Variants in GABPB2 observed in about 807,000 individuals in gnomAD.
GABPB2 encodes GA-binding protein subunit beta-2.
In GABPB2, 23 loss-of-function variants were observed where a neutral mutation model predicts 39.1. The observed-to-expected ratio is 0.59, with a 90% CI of 0.42 to 0.83. The LOEUF (loss-of-function observed/expected upper bound fraction) is 0.83. GABPB2 is among the 40% of genes least tolerant of loss of function. The pLI is 0.00. For synonymous variants in GABPB2, 184 were observed against 199.3 expected, an observed-to-expected ratio of 0.92 and a Z score of 0.65; for missense variants, 467 against 541.1, an observed-to-expected ratio of 0.86 and a Z score of 1.36.
intron 7 of GABPB2, among the ~76,000 whole-genome samples, chr1:151,113,850 T>C (rs1281078104): frequency 6.6e-6 from 1 of 152,210 alleles, no homozygotes; most frequent in Non-Finnish European, 1.5e-5. Flanking sequence ...GTTATATAAG[T>C]GGAATCATAC....
Position 151,124,075 on chromosome 1 carries a change from G to T in GABPB2, c.*5819G>T, listed in dbSNP as rs1278131666. 7.8e-6 allele frequency: 1 copy of T among 127,674 alleles called. No individual in the cohort carries two copies. Among genetic ancestry groups the T allele is most frequent in the African/African-American group, 2.8e-5 (1 of 35,968 alleles). 7.9% of individuals were successfully genotyped at this position (127,674 alleles called of 1,614,324 possible). On this transcript the variant is annotated 3_prime_UTR_variant, in exon 9 of 9. Coordinates refer to ENST00000368918, the MANE Select transcript of GABPB2 (RefSeq NM_144618.3). ...GAAAAAAAAAAAAAAAAAAGAGGCC[G>T]GGCGCGGTGGCTCACAAAAAAAAAA... is the stretch of plus-strand genomic sequence containing the variant.
At position 151,121,796 on chromosome 1, in the gene GABPB2, T is replaced by C. The variant is rs1681192692; in HGVS notation, c.*3540T>C. 1 of 152,108 alleles carries C rather than the reference T, an allele frequency of 6.6e-6. No homozygotes were observed. The highest frequency in any genetic ancestry group is 2.4e-5 in the African/African-American group (1 of 41,400). The allele number at this position is 152,108 out of a possible 1,614,324, so 9.4% of individuals were successfully genotyped here. A position where few individuals can be genotyped will look rare whatever the true frequency, so the allele number is the denominator to read the frequency against. ...TGGAGTTTTTCCCAAAGAAAGGGAATATGGATGGAGAGAGAGAGGTTATGA... is the reference window on the plus strand; with the variant it reads ...TGGAGTTTTTCCCAAAGAAAGGGAACATGGATGGAGAGAGAGAGGTTATGA... On this transcript the variant is annotated 3_prime_UTR_variant, in exon 9 of 9. Coordinates refer to ENST00000368918, the MANE Select transcript of GABPB2 (RefSeq NM_144618.3).
chr1:151,107,935 T>TA (rs941442373), intron 7 of GABPB2, among the ~76,000 whole-genome samples: 37 of 145,136 alleles, frequency 2.5e-4, no homozygotes, highest in African/African-American at 3.3e-4. Flanking sequence ...ACTCTGTCTT[T>TA]AAAAAAAAAA....
At chr1:151,107,259 A>T (rs367977273) in intron 7 of GABPB2, 37 bp downstream of exon 7, 143 of 1,365,346 alleles carry the variant, frequency 1.0e-4, no homozygotes, top group Non-Finnish European at 1.2e-4. Context: ...TTATTAAAAG[A>T]TATTTTAGAT....
intron 4 of GABPB2, among the ~76,000 whole-genome samples, chr1:151,094,477 G>A (rs1387080232): frequency 1.3e-5 from 2 of 149,200 alleles, no homozygotes; most frequent in African/African-American, 5.0e-5. Context: ...AGCCTCCTGA[G>A]TAGCTGAGAT....
chr1:151,109,471 G>A, intron 7 of GABPB2, among the ~76,000 whole-genome samples: 1 of 150,268 alleles, frequency 6.7e-6, no homozygotes, highest in Admixed American at 6.7e-5. Flanking sequence ...CGATTCTCCT[G>A]CCTCAGCCTC....
chr1:151,116,174 G>A (rs1054338797), intron 7 of GABPB2, among the ~76,000 whole-genome samples: 1 of 151,914 alleles, frequency 6.6e-6, no homozygotes, highest in Admixed American at 6.6e-5. Flanking sequence ...GGTGGATCAC[G>A]TGAGGTCGGG....
rs186756876 is a variant in GABPB2, at chr1:151,124,744, T to C, written c.*6488T>C. ...TAGGCTCTTATCTGTCTCTATTTTA[T>C]GTGGTGACTATATCTCAGAAGTACT... is the stretch of plus-strand genomic sequence containing the variant. On this transcript the variant is annotated 3_prime_UTR_variant, in exon 9 of 9. Transcript: ENST00000368918. 5 of 152,332 alleles carry C rather than the reference T, an allele frequency of 3.3e-5. No individual in the cohort carries two copies. The highest frequency in any genetic ancestry group is 3.3e-4 in the Admixed American group (5 of 15,298). 9.4% of individuals were successfully genotyped at this position (152,332 alleles called of 1,614,324 possible).
At chr1:151,093,504 C>T (rs1190960947) in intron 4 of GABPB2, 118 bp downstream of exon 4, 3 of 670,426 alleles carry the variant, frequency 4.5e-6, no homozygotes, top group South Asian at 4.7e-5. Flanking sequence ...TCTAATATGT[C>T]TCAATCTTGT....
At chr1:151,112,968 A>G (rs1190589457) in intron 7 of GABPB2, among the ~76,000 whole-genome samples, 2 of 151,122 alleles carry the variant, frequency 1.3e-5, no homozygotes, top group Non-Finnish European at 1.5e-5. Flanking sequence ...TAGTAGAGAC[A>G]GGGTTTCACC....
At position 151,083,653 on chromosome 1, in the gene GABPB2, A is replaced by ATT. The variant is rs1278659052; in HGVS notation, c.1-4537_1-4536insTT. On this transcript the variant is annotated intron_variant, in intron 1 of 8. Coordinates refer to ENST00000368918, the MANE Select transcript of GABPB2 (RefSeq NM_144618.3). ...CGTCTCTATAGAGAGAAAAAAAAAA[A>ATT]ATTATATATATATATATGTATATAT... 4.4e-3 allele frequency among the ~76,000 whole-genome samples: 650 copies of ATT among 148,066 alleles called. 3 individuals are homozygous for ATT. Among genetic ancestry groups the ATT allele is most frequent in the African/African-American group, 0.016 (620 of 38,420 alleles).
chr1:151,080,997 C>G (rs149253479), intron 1 of GABPB2, among the ~76,000 whole-genome samples: 2 of 150,706 alleles, frequency 1.3e-5, no homozygotes, highest in South Asian at 4.2e-4. Context: ...CTCAGCCTCC[C>G]GAGTAGCTGG....
In GABPB2 at chr1:151,081,636, AT is replaced by A. The variant is rs775423874; in HGVS notation, c.1-6551del. On this transcript the variant is annotated intron_variant, in intron 1 of 8. Transcript: ENST00000368918. ...AGAAGACAGCTGCATTCTCATTATTATTTATTTTTTTTTTTTTAGATGGTGT... is the reference window on the plus strand; with the variant it reads ...AGAAGACAGCTGCATTCTCATTATTATTATTTTTTTTTTTTTAGATGGTGT... 3.2e-3 allele frequency among the ~76,000 whole-genome samples: 484 copies of A among 150,932 alleles called. 1 individual carries two copies. The highest frequency in any genetic ancestry group is 7.5e-3 in the South Asian group (36 of 4,780).
intron 7 of GABPB2, among the ~76,000 whole-genome samples, chr1:151,110,496 A>C (rs1316975650): frequency 6.6e-6 from 1 of 151,738 alleles, no homozygotes; most frequent in African/African-American, 2.4e-5. Context: ...TTATTTTTTA[A>C]ATTTATGTAT....
At chr1:151,080,553 TAAA>T (rs1182672632) in intron 1 of GABPB2, among the ~76,000 whole-genome samples, 7 of 142,794 alleles carry the variant, frequency 4.9e-5, no homozygotes, top group African/African-American at 1.9e-4. Context: ...ATAAATAAAA[TAAA>T]AAGGGTTTAG....
rs1227221255 is a variant in GABPB2, at chr1:151,076,218, A to G, written c.-1+5284A>G. Among the ~76,000 whole-genome samples the G allele has an allele frequency of 2.0e-5, 3 of 152,286 alleles. No individual in the cohort carries two copies. The East Asian group carries it at 5.8e-4, about 29-fold the overall frequency. On this transcript the variant is annotated intron_variant, in intron 1 of 8. Transcript: ENST00000368918. ...AATTAAATAAGAAGGTTTTCCATGA[A>G]CTGGGCAACTGTTGGAACCAAGCTG... is the stretch of plus-strand genomic sequence containing the variant.
At chr1:151,071,254 C>A (rs1040461735) in intron 1 of GABPB2, among the ~76,000 whole-genome samples, 15 of 152,206 alleles carry the variant, frequency 9.9e-5, no homozygotes, top group Admixed American at 7.9e-4. Flanking sequence ...CGAGGCCTGT[C>A]GCCGAGGCTG....
At chr1:151,099,298 A>G (rs986417356) in intron 5 of GABPB2, among the ~76,000 whole-genome samples, 20 of 151,458 alleles carry the variant, frequency 1.3e-4, no homozygotes, top group African/African-American at 3.6e-4. Flanking sequence ...CCCGGGTTCA[A>G]GCGATTCTCC....
intron 5 of GABPB2, among the ~76,000 whole-genome samples, chr1:151,098,405 CA>C (rs1679268183): frequency 6.6e-6 from 1 of 150,658 alleles, no homozygotes; most frequent in African/African-American, 2.4e-5. Flanking sequence ...AGGAGGCTGA[CA>C]TGGGAGGATC....
Sources: allele counts gnomAD v4.1 joint callset (sites outside exome capture counted in the v4.1 genomes callset), GRCh38; gene constraint gnomAD v4.1.1; transcripts MANE v1.5; gene names NCBI Gene and HGNC (gene_info 2026-07-23, HGNC 2026-07-21).